Variants in PCDH9 observed in about 807,000 individuals in gnomAD.
The protein encoded by PCDH9 is protocadherin 9, also known as protocadherin-9.
PCDH9 carries 24 observed loss-of-function variants against 70.6 expected under a neutral mutation model. The observed-to-expected ratio is 0.34, with a 90% CI of 0.25 to 0.48. The LOEUF is 0.48. Among genes scored for constraint, PCDH9 ranks in the 20% least tolerant of loss-of-function variants. The probability of loss-of-function intolerance (pLI) is 0.99; values close to 1 mark genes in which losing one functional copy is unlikely to be tolerated. For synonymous variants in PCDH9, 562 were observed against 558.5 expected (o/e 1.01, Z -0.09); for missense variants, 1,281 against 1,503.6 (o/e 0.85, Z 2.45).
chr13:67,183,765 T>G (rs557847816), intron 2 of PCDH9, among the ~76,000 whole-genome samples: 35 of 152,216 alleles, frequency 2.3e-4, no homozygotes, highest in African/African-American at 8.2e-4. Flanking sequence ...GATTAGAAAA[T>G]AAGATTTAAC....
Position 67,006,108 on chromosome 13 carries a change from T to C in PCDH9, c.3037-102503A>G, listed in dbSNP as rs570930330. Among the ~76,000 whole-genome samples the C allele has an allele frequency of 3.0e-3, 456 of 152,230 alleles. 1 individual carries two copies. Among genetic ancestry groups the C allele is most frequent in the Admixed American group, 5.2e-3 (80 of 15,284 alleles). On this transcript the variant is annotated intron_variant, in intron 2 of 4. Coordinates refer to ENST00000377865, the MANE Select transcript of PCDH9 (RefSeq NM_203487.3). Reference sequence around the variant, plus strand: ...CGGGCCTGGCGGCAGGCACCTGTAGTCCCAGCTACTCGGGAGGCTGAGGCA... The same window carrying C: ...CGGGCCTGGCGGCAGGCACCTGTAGCCCCAGCTACTCGGGAGGCTGAGGCA...
At chr13:67,149,064 A>T (rs960440336) in intron 2 of PCDH9, among the ~76,000 whole-genome samples, 3 of 152,208 alleles carry the variant, frequency 2.0e-5, no homozygotes, top group Non-Finnish European at 4.4e-5. Flanking sequence ...TGAGCTCTCA[A>T]GTTCCTGCTC....
chr13:66,980,678 T>C (rs550727310), intron 2 of PCDH9, among the ~76,000 whole-genome samples: 1 of 151,180 alleles, frequency 6.6e-6, no homozygotes, highest in South Asian at 2.1e-4. Context: ...ATTCTATCAA[T>C]TGCTAATTTT....
At chr13:66,416,669 C>T (rs1243599805) in intron 4 of PCDH9, among the ~76,000 whole-genome samples, 1 of 152,034 alleles carries the variant, frequency 6.6e-6, no homozygotes, top group Non-Finnish European at 1.5e-5. Flanking sequence ...GGAGGTCCAA[C>T]AGCGACTTGA....
chr13:66,737,461 T>C (rs1191185311), intron 3 of PCDH9, among the ~76,000 whole-genome samples: 1 of 152,226 alleles, frequency 6.6e-6, no homozygotes, highest in Non-Finnish European at 1.5e-5. Context: ...GTTGAATTAA[T>C]GTAAATTAAA....
chr13:66,970,944 T>A (rs2083511698), intron 2 of PCDH9, among the ~76,000 whole-genome samples: 1 of 152,062 alleles, frequency 6.6e-6, no homozygotes, highest in East Asian at 1.9e-4. Flanking sequence ...TTCAGTCTAA[T>A]TATTTGACCA....
At chr13:66,970,500 T>C (rs1054148596) in intron 2 of PCDH9, among the ~76,000 whole-genome samples, 5 of 151,030 alleles carry the variant, frequency 3.3e-5, no homozygotes, top group African/African-American at 1.2e-4. Flanking sequence ...ATCAATCAGG[T>C]GTAGTGATGC....
At chr13:67,170,457 G>A (rs1301701222) in intron 2 of PCDH9, among the ~76,000 whole-genome samples, 3 of 152,140 alleles carry the variant, frequency 2.0e-5, no homozygotes, top group Non-Finnish European at 4.4e-5. Context: ...TAAGGAGAAT[G>A]GCTGCCTCAA....
chr13:67,037,498 C>T (rs957804607), intron 2 of PCDH9, among the ~76,000 whole-genome samples: 2 of 152,114 alleles, frequency 1.3e-5, no homozygotes, highest in African/African-American at 4.8e-5. Flanking sequence ...CTCTGGCTAT[C>T]CTTGTGAATT....
intron 3 of PCDH9, among the ~76,000 whole-genome samples, chr13:66,688,392 T>C (rs2078435658): frequency 6.6e-6 from 1 of 152,190 alleles, no homozygotes; most frequent in Admixed American, 6.5e-5. Context: ...TCCTGATGAA[T>C]AGAAACCACG....
intron 1 of PCDH9, 145 bp downstream of exon 1, chr13:67,229,635 A>G (rs1408283433): frequency 6.6e-6 from 1 of 152,394 alleles, no homozygotes; most frequent in African/African-American, 2.4e-5. Context: ...TAGTTCCGGC[A>G]GAGTGATGCA....
In PCDH9 at chr13:66,385,442, C is replaced by T. The variant is rs140646089; in HGVS notation, c.3341-80414G>A. Among the ~76,000 whole-genome samples, 514 of 152,154 alleles carry T rather than the reference C, an allele frequency of 3.4e-3. 2 individuals carry two copies. Among genetic ancestry groups the T allele is most frequent in the Middle Eastern group, 0.017 (5 of 294 alleles). The stretch of plus-strand genomic sequence containing the variant: ...TTTTTTCTCATGCCTCCGTCTAGCC[C>T]GCCCTATCCTCCCCAAATAACAGGA... On this transcript the variant is annotated intron_variant, in intron 4 of 4. Coordinates refer to ENST00000377865, the MANE Select transcript of PCDH9 (RefSeq NM_203487.3).
intron 2 of PCDH9, among the ~76,000 whole-genome samples, chr13:66,929,441 A>C (rs940762424): frequency 2.0e-5 from 3 of 151,994 alleles, no homozygotes; most frequent in African/African-American, 7.2e-5. Flanking sequence ...CTTCTGCCTC[A>C]GCCTCCCTTG....
chr13:66,800,056 C>T (rs1294180385), intron 3 of PCDH9, among the ~76,000 whole-genome samples: 2 of 152,120 alleles, frequency 1.3e-5, no homozygotes, highest in Non-Finnish European at 2.9e-5. Flanking sequence ...CCCATAGCCC[C>T]CTGCTTCCTT....
intron 2 of PCDH9, among the ~76,000 whole-genome samples, chr13:67,145,168 G>C (rs1432893441): frequency 1.3e-5 from 2 of 152,044 alleles, no homozygotes; most frequent in Non-Finnish European, 2.9e-5. Context: ...GATGATGACA[G>C]TTTAAAACAT....
At chr13:66,729,464 ATTTG>A (rs1250980256) in intron 3 of PCDH9, among the ~76,000 whole-genome samples, 3 of 152,072 alleles carry the variant, frequency 2.0e-5, no homozygotes, top group Non-Finnish European at 4.4e-5. Flanking sequence ...TTGTAAATCG[ATTTG>A]TTTTACTCCC....
intron 2 of PCDH9, chr13:67,224,732 T>TC: frequency 2.3e-6 from 1 of 439,470 alleles, no homozygotes; most frequent in Non-Finnish European, 2.9e-6. Context: ...CAAGCATTCT[T>TC]TTTTTTTTTT....
chr13:66,887,937 G>A (rs1378904167), intron 3 of PCDH9, among the ~76,000 whole-genome samples: 1 of 152,048 alleles, frequency 6.6e-6, no homozygotes, highest in Non-Finnish European at 1.5e-5. Flanking sequence ...TGTATAATGT[G>A]GATGATAAAG....
chr13:67,039,913 C>T (rs987550380), intron 2 of PCDH9, among the ~76,000 whole-genome samples: 5 of 151,882 alleles, frequency 3.3e-5, no homozygotes, highest in Admixed American at 2.0e-4. Flanking sequence ...GTGCTAACTC[C>T]GTGTACTATA....
Sources: allele counts gnomAD v4.1 joint callset (sites outside exome capture counted in the v4.1 genomes callset), GRCh38; gene constraint gnomAD v4.1.1; transcripts MANE v1.5; gene names NCBI Gene and HGNC (gene_info 2026-07-23, HGNC 2026-07-21).